RER1: variants seen among roughly 807,000 people sequenced by gnomAD.
RER1 encodes the protein protein RER1.
In RER1, 6 loss-of-function variants were observed where a neutral mutation model predicts 28.3. That is an observed-to-expected ratio of 0.21 (90% CI 0.12 to 0.42). The LOEUF is 0.42. Among genes scored for constraint, RER1 ranks in the 10% least tolerant of loss-of-function variants. RER1 has a pLI of 1.00. For synonymous variants in RER1, 110 were observed against 95.9 expected, an observed-to-expected ratio of 1.15 and a Z score of -0.86; for missense variants, 159 against 252.9, an observed-to-expected ratio of 0.63 and a Z score of 2.52.
intron 1 of RER1, 110 bp from the exon 2 acceptor site, chr1:2,395,673 CA>C: frequency 1.3e-6 from 1 of 789,472 alleles, no homozygotes; most frequent in South Asian, 1.5e-5. Context: ...GGTATATGGA[CA>C]AAATACTGAA....
chr1:2,397,285 G>A (rs1281049193), intron 3 of RER1, 65 bp downstream of exon 3: 4 of 1,033,248 alleles, frequency 3.9e-6, no homozygotes, highest in Non-Finnish European at 6.1e-6. Flanking sequence ...ATGTTTGTGG[G>A]GATGTTGTTG....
At chr1:2,399,317 G>A (rs1642812282) in intron 3 of RER1, 98 bp from the exon 4 acceptor site, 5 of 806,538 alleles carry the variant, frequency 6.2e-6, no homozygotes, top group Non-Finnish European at 1.1e-5. Context: ...AGTTAGATCA[G>A]TTAACAAAGT....
intron 3 of RER1, among the ~76,000 whole-genome samples, 197 bp downstream of exon 3, chr1:2,397,417 C>A (rs142063397): frequency 6.6e-6 from 1 of 152,326 alleles, no homozygotes; most frequent in African/African-American, 2.4e-5. Flanking sequence ...CCCGGAGTCG[C>A]CTCGCCAGGC....
Position 2,402,946 on chromosome 1 carries a change from TG to T in RER1, c.502-84del, listed in dbSNP as rs1642893221. On this transcript the variant is annotated intron_variant, in intron 6 of 6. Transcript: ENST00000605895. ...CCACTTGTCTGATGTATAGAAAAGA[TG>T]GGGGACCTTTGGCCGCTCAGATTTG... 4 of 1,045,796 alleles carry T rather than the reference TG, an allele frequency of 3.8e-6. No individual in the cohort carries two copies. In the Admixed American group the frequency reaches 5.9e-5, roughly 15 times the overall value. The allele number at this position is 1,045,796 out of a possible 1,614,324, so 64.8% of individuals were successfully genotyped here.
At position 2,405,314 on chromosome 1, in the gene RER1, A is replaced by G; in HGVS notation, c.*2190A>G. 3.0e-6 allele frequency: 1 copy of G among 328,870 alleles called. No individual in the cohort carries two copies. The allele number at this position is 328,870 out of a possible 1,614,324, so 20.4% of individuals were successfully genotyped here. ...CTGCTGTTCTCACTGCACTGGCTGA[A>G]GCAACCCGCCAGCCTCCGTGCCCCA... On this transcript the variant is annotated 3_prime_UTR_variant, in exon 7 of 7. Coordinates refer to ENST00000605895, the MANE Select transcript of RER1 (RefSeq NM_007033.5).
chr1:2,401,971 G>A, intron 5 of RER1: 1 of 1,452,220 alleles, frequency 6.9e-7, no homozygotes, highest in Admixed American at 2.4e-5. Flanking sequence ...GTAGTTTTAA[G>A]AAGAATTGTG....
chr1:2,393,559 G>C (rs1642724235), intron 1 of RER1, among the ~76,000 whole-genome samples: 1 of 152,172 alleles, frequency 6.6e-6, no homozygotes, highest in African/African-American at 2.4e-5. Context: ...GGCTCCAAGG[G>C]TGCTCCACGG....
At chr1:2,396,979 A>T in intron 2 of RER1, 137 bp from the exon 3 acceptor site, 1 of 583,218 alleles carries the variant, frequency 1.7e-6, no homozygotes, top group African/African-American at 1.9e-5. Flanking sequence ...TACATAGATG[A>T]TCTCTTGCTA....
At position 2,404,949 on chromosome 1, in the gene RER1, C is replaced by T. The variant is rs1397766798; in HGVS notation, c.*1825C>T. The stretch of plus-strand genomic sequence containing the variant: ...TGGGGCCGAGCTGAGGGGCTGAACA[C>T]AGCAGTGACCGTGGGTCAGCAGGTC... On this transcript the variant is annotated 3_prime_UTR_variant, in exon 7 of 7. Coordinates refer to ENST00000605895, the MANE Select transcript of RER1 (RefSeq NM_007033.5). 1 of 154,132 alleles carries T rather than the reference C, an allele frequency of 6.5e-6. No individual in the cohort carries two copies. Among genetic ancestry groups the T allele is most frequent in the African/African-American group, 2.4e-5 (1 of 41,472 alleles). 9.5% of individuals were successfully genotyped at this position (154,132 alleles called of 1,614,324 possible).
Position 2,399,894 on chromosome 1 carries a change from C to T in RER1, c.286+380C>T, listed in dbSNP as rs182560764. 2.7e-3 allele frequency among the ~76,000 whole-genome samples: 415 copies of T among 152,318 alleles called. 2 individuals are homozygous for T. The highest frequency in any genetic ancestry group is 3.6e-3 in the Non-Finnish European group (248 of 68,024). ...CAGCCATGACGAGGTTACCTTTTCC[C>T]GTAGCCAGAGGGTTCCACAGGCAGC... On this transcript the variant is annotated intron_variant, in intron 4 of 6. Transcript: ENST00000605895.
intron 1 of RER1, chr1:2,395,490 C>T: frequency 2.5e-6 from 1 of 397,980 alleles, no homozygotes; most frequent in East Asian, 5.3e-5. Flanking sequence ...CAAGGCTGCT[C>T]CTGGGGCCAG....
Position 2,403,498 on chromosome 1 carries a change from C to T in RER1, c.*374C>T, listed in dbSNP as rs1642905788. 1 of 291,390 alleles carries T rather than the reference C, an allele frequency of 3.4e-6. No homozygotes were observed. Among genetic ancestry groups the T allele is most frequent in the Non-Finnish European group, 6.7e-6 (1 of 149,340 alleles). 18.1% of individuals were successfully genotyped at this position (291,390 alleles called of 1,614,324 possible). ...GCCGCTCCCCGCCAGCCGCCTTCCC[C>T]AGCAGCCGCAGGTGGTGCCAGCCAC... On this transcript the variant is annotated 3_prime_UTR_variant, in exon 7 of 7. Transcript: ENST00000605895.
intron 6 of RER1, among the ~76,000 whole-genome samples, chr1:2,402,682 A>G (rs1307303693): frequency 6.6e-6 from 1 of 152,154 alleles, no homozygotes; most frequent in African/African-American, 2.4e-5. Context: ...GTTAGGGGGA[A>G]GTTAGCCGAG....
At chr1:2,400,409 G>A (rs900789139) in intron 4 of RER1, among the ~76,000 whole-genome samples, 12 of 152,222 alleles carry the variant, frequency 7.9e-5, no homozygotes, top group Non-Finnish European at 1.3e-4. Context: ...AATGGGGAGC[G>A]GCACCCATCC....
chr1:2,400,769 C>T (rs759161708), intron 4 of RER1, 88 bp from the exon 5 acceptor site: 8 of 1,084,996 alleles, frequency 7.4e-6, no homozygotes, highest in East Asian at 2.4e-5. Context: ...TTTGTGAGGC[C>T]TGCTAGTCCA....
intron 1 of RER1, among the ~76,000 whole-genome samples, chr1:2,392,243 C>CG (rs1642688106): frequency 6.6e-6 from 1 of 152,086 alleles, no homozygotes; most frequent in Non-Finnish European, 1.5e-5. Context: ...CTGCAGCCCT[C>CG]GAGCCACCCG....
At position 2,403,174 on chromosome 1, in the gene RER1, T is replaced by C; in HGVS notation, c.*50T>C. On this transcript the variant is annotated 3_prime_UTR_variant, in exon 7 of 7. Coordinates refer to ENST00000605895, the MANE Select transcript of RER1 (RefSeq NM_007033.5). ...TGTTGCAAGAACAGTTTTGAGCCAT[T>C]GTTAACAATGCCTTTTTTCTTCACA... 1.4e-6 allele frequency: 2 copies of C among 1,402,466 alleles called. No homozygotes were observed. Among genetic ancestry groups the C allele is most frequent in the East Asian group, 4.6e-5 (2 of 43,850 alleles). The allele number at this position is 1,402,466 out of a possible 1,614,324, so 86.9% of individuals were successfully genotyped here. A position where few individuals can be genotyped will look rare whatever the true frequency, so the allele number is the denominator to read the frequency against.
chr1:2,392,626 C>T (rs747022916), intron 1 of RER1, among the ~76,000 whole-genome samples: 1 of 152,190 alleles, frequency 6.6e-6, no homozygotes, highest in Non-Finnish European at 1.5e-5. Flanking sequence ...TGCCCTTTTC[C>T]CTTTATGAAG....
intron 1 of RER1, chr1:2,395,545 T>G: frequency 3.9e-6 from 2 of 510,504 alleles, no homozygotes; most frequent in East Asian, 3.5e-5. Flanking sequence ...GGTGCCAGTG[T>G]GGGAATGAAA....
Sources: allele counts gnomAD v4.1 joint callset (sites outside exome capture counted in the v4.1 genomes callset), GRCh38; gene constraint gnomAD v4.1.1; transcripts MANE v1.5; gene names NCBI Gene and HGNC (gene_info 2026-07-23, HGNC 2026-07-21).